Variants in PCNX4 observed in about 807,000 individuals in gnomAD.
PCNX4 encodes the protein pecanex-like protein 4.
Under a neutral mutation model 107.2 loss-of-function variants are expected in PCNX4, and 103 were observed. That is an observed-to-expected ratio of 0.96 (90% confidence interval 0.82 to 1.13). The LOEUF (loss-of-function observed/expected upper bound fraction) is 1.13, where lower values mean the gene tolerates loss of function less well. Ranked by LOEUF, PCNX4 falls within the 50% of genes most tolerant of loss-of-function variation. The pLI is 0.00. For missense variants in PCNX4, 1,528 were observed against 1,379.4 expected (o/e 1.11, Z -1.71); for synonymous variants, 541 against 481.7 (o/e 1.12, Z -1.61).
chr14:60,094,895 A>G (rs1895393509), intron 1 of PCNX4, among the ~76,000 whole-genome samples: 1 of 151,904 alleles, frequency 6.6e-6, no homozygotes, highest in South Asian at 2.1e-4. Context: ...ACTTAATATC[A>G]CTGGTTCTCA....
rs1413700607 is a variant in PCNX4 at position 60,117,216 on chromosome 14, C to CA, written c.1579-1112dup. Among the ~76,000 whole-genome samples the CA allele has an allele frequency of 9.8e-5, 15 of 152,290 alleles. 1 individual carries two copies. The East Asian group carries it at 1.5e-3, about 16-fold the overall frequency. ...ACTTCACATTCATTCACCACTCACT[C>CA]ACTCACTTAGAGCAACTTCTAGTGC... On this transcript the variant is annotated intron_variant, in intron 6 of 10. Coordinates refer to ENST00000406854, the MANE Select transcript of PCNX4 (RefSeq NM_001330177.2).
chr14:60,107,726 T>C lies in PCNX4; in HGVS notation c.88T>C (p.Phe30Leu), dbSNP rs1895655250. 3 of 1,612,672 alleles carry C rather than the reference T, an allele frequency of 1.9e-6. No homozygotes were observed. The highest frequency in any genetic ancestry group is 2.5e-6 in the Non-Finnish European group (3 of 1,179,816). Reference protein sequence around the residue: ...FPQTVLGGPRFKLGYCAPPYI... With the variant: ...FPQTVLGGPRLKLGYCAPPYI... ...ACAGACTGTTCTTGGAGGCCCTCGA[T>C]TCAAATTAGGCTATTGTGCCCCTCC... The change falls in exon 2 of 11, where the codon TTC becomes CTC. Residue 30 changes from phenylalanine (F) to leucine (L), a missense_variant. By Grantham distance (22) the Phe-to-Leu change is conservative. Coordinates refer to ENST00000406854, the MANE Select transcript of PCNX4 (RefSeq NM_001330177.2).
At position 60,134,143 on chromosome 14, in the gene PCNX4, T is replaced by A; in HGVS notation, c.3441T>A (p.Asn1147Lys). 2 of 1,613,712 alleles carry A rather than the reference T, an allele frequency of 1.2e-6. No homozygotes were observed. Among genetic ancestry groups the A allele is most frequent in the East Asian group, 4.5e-5 (2 of 44,874 alleles). The change falls in exon 11 of 11, where the codon AAT (asparagine) becomes AAA (lysine). Residue 1147 changes from asparagine to lysine, a missense_variant. Asn to Lys is a moderately conservative substitution (Grantham distance 94, BLOSUM62 0). Coordinates refer to ENST00000406854, the MANE Select transcript of PCNX4 (RefSeq NM_001330177.2). Reference sequence around the variant, plus strand: ...AAGCTCATCCACTACTTTTAAGAAATCTTACGGTACAAGCAGCAGAACCTC... The same window carrying A: ...AAGCTCATCCACTACTTTTAAGAAAACTTACGGTACAAGCAGCAGAACCTC... ...SIQAHPLLLRNLTVQAAEPPL... is the reference protein window; with the variant it reads ...SIQAHPLLLRKLTVQAAEPPL...
intron 10 of PCNX4, among the ~76,000 whole-genome samples, chr14:60,126,529 C>G (rs1043621651): frequency 6.6e-6 from 1 of 152,216 alleles, no homozygotes; most frequent in Non-Finnish European, 1.5e-5. Flanking sequence ...TGCTAAAACC[C>G]AGTGAGAATA....
At chr14:60,133,489 T>A (rs554116327) in intron 10 of PCNX4, among the ~76,000 whole-genome samples, 4 of 152,306 alleles carry the variant, frequency 2.6e-5, no homozygotes, top group African/African-American at 7.2e-5. Flanking sequence ...CTTGAGGTTA[T>A]GATGTTTTAA....
chr14:60,100,463 T>G (rs1389503306), intron 1 of PCNX4, among the ~76,000 whole-genome samples: 1 of 152,116 alleles, frequency 6.6e-6, no homozygotes, highest in Non-Finnish European at 1.5e-5. Context: ...CATGCTTGGC[T>G]AACTTTTGTA....
rs1051218848 is a variant in PCNX4 at position 60,139,192 on chromosome 14, GAA to G, written c.*4974_*4975del. On this transcript the variant is annotated 3_prime_UTR_variant, in exon 11 of 11. Coordinates refer to ENST00000406854, the MANE Select transcript of PCNX4 (RefSeq NM_001330177.2). The stretch of plus-strand genomic sequence containing the variant: ...CAAAGATCATCAAAGTGAAAAGAAA[GAA>G]AACCCACAAAGTACCTTTATGCAAG... 3 of 151,294 alleles carry G rather than the reference GAA, an allele frequency of 2.0e-5. No individual in the cohort carries two copies. The highest frequency in any genetic ancestry group is 7.3e-5 in the African/African-American group (3 of 40,872). 9.4% of individuals were successfully genotyped at this position (151,294 alleles called of 1,614,324 possible).
chr14:60,102,124 A>G (rs1456102484), intron 1 of PCNX4, among the ~76,000 whole-genome samples: 3 of 152,204 alleles, frequency 2.0e-5, no homozygotes, highest in Non-Finnish European at 4.4e-5. Flanking sequence ...ATTATGCAGG[A>G]TGAACAAGTT....
At chr14:60,132,634 G>C (rs577832253) in intron 10 of PCNX4, among the ~76,000 whole-genome samples, 1 of 152,058 alleles carries the variant, frequency 6.6e-6, no homozygotes, top group East Asian at 1.9e-4. Flanking sequence ...AAAAACTTCT[G>C]TTCCTCAAAG....
rs1435410379 is a variant in PCNX4 at position 60,116,019 on chromosome 14, T to G, written c.1537T>G (p.Trp513Gly). 1.9e-6 allele frequency: 3 copies of G among 1,612,824 alleles called. No homozygotes were observed. Among genetic ancestry groups the G allele is most frequent in the Admixed American group, 3.3e-5 (2 of 59,842 alleles). ...ACACTTGATCTCCAGTACAGACATATGGTGGAACAGAAGCCTGGATACAGG... is the reference window on the plus strand; with the variant it reads ...ACACTTGATCTCCAGTACAGACATAGGGTGGAACAGAAGCCTGGATACAGG... ...TVHLISSTDIWWNRSLDTGLR... is the reference protein window; with the variant it reads ...TVHLISSTDIGWNRSLDTGLR... The change falls in exon 6 of 11, where the codon TGG (tryptophan) becomes GGG (glycine). Residue 513 changes from tryptophan (W) to glycine (G), a missense_variant. By Grantham distance (184) the Trp-to-Gly change is radical. Coordinates refer to ENST00000406854, the MANE Select transcript of PCNX4 (RefSeq NM_001330177.2).
intron 1 of PCNX4, among the ~76,000 whole-genome samples, chr14:60,098,811 G>A (rs1255859418): frequency 4.6e-5 from 7 of 151,930 alleles, no homozygotes; most frequent in African/African-American, 2.4e-5. Flanking sequence ...GGTGGTGCAT[G>A]CCTGTAATCC....
chr14:60,113,841 A>G (rs977921030), intron 2 of PCNX4, among the ~76,000 whole-genome samples: 2 of 152,302 alleles, frequency 1.3e-5, no homozygotes, highest in African/African-American at 4.8e-5. Flanking sequence ...TATTTTTAAA[A>G]ATTTAGTAAT....
At chr14:60,111,555 AC>A (rs1422124898) in intron 2 of PCNX4, among the ~76,000 whole-genome samples, 1 of 152,210 alleles carries the variant, frequency 6.6e-6, no homozygotes, top group Admixed American at 6.5e-5. Flanking sequence ...TTTTCAGAAT[AC>A]AAATTCTTGA....
At position 60,144,938 on chromosome 14, in the gene PCNX4, A is replaced by G; in HGVS notation, c.*10717A>G. The G allele has an allele frequency of 1.9e-6, 3 of 1,576,100 alleles. No homozygotes were observed. The highest frequency in any genetic ancestry group is 1.4e-5 in the African/African-American group (1 of 73,204). On this transcript the variant is annotated 3_prime_UTR_variant, in exon 11 of 11. Transcript: ENST00000406854. The stretch of plus-strand genomic sequence containing the variant: ...TTTCATGTTTTCCATTTCTCCCTCC[A>G]GTGGCTTGAAAAGTACAGGTGCTCT...
chr14:60,118,296 G>T, intron 6 of PCNX4, 33 bp from the exon 7 acceptor site: 1 of 1,513,168 alleles, frequency 6.6e-7, no homozygotes, highest in Non-Finnish European at 8.8e-7. Flanking sequence ...AATCTTCTAA[G>T]GATAAATAAA....
chr14:60,123,791 A>T (rs908099198), intron 8 of PCNX4, among the ~76,000 whole-genome samples: 1 of 152,174 alleles, frequency 6.6e-6, no homozygotes, highest in Non-Finnish European at 1.5e-5. Context: ...CATACACTGA[A>T]TAATGCTATT....
intron 1 of PCNX4, among the ~76,000 whole-genome samples, chr14:60,106,701 T>C (rs545674329): frequency 1.1e-3 from 174 of 152,354 alleles, no homozygotes; most frequent in Non-Finnish European, 2.0e-3. Context: ...CTCTCCAGAA[T>C]TGATATTGGT....
rs190905995 is a variant in PCNX4 at position 60,139,238 on chromosome 14, A to T, written c.*5017A>T. On this transcript the variant is annotated 3_prime_UTR_variant, in exon 11 of 11. Coordinates refer to ENST00000406854, the MANE Select transcript of PCNX4 (RefSeq NM_001330177.2). ...ATGCAAGAGATGTCTTAAGTATAGG[A>T]ATACAAAGGTTTGAAGTAAACAAGA... The T allele has an allele frequency of 4.7e-4, 71 of 152,242 alleles. No homozygotes were observed. Among genetic ancestry groups the T allele is most frequent in the African/African-American group, 1.6e-3 (65 of 41,576 alleles). The allele number at this position is 152,242 out of a possible 1,614,324, so 9.4% of individuals were successfully genotyped here.
At chr14:60,097,657 A>G (rs776963580) in intron 1 of PCNX4, among the ~76,000 whole-genome samples, 2 of 152,230 alleles carry the variant, frequency 1.3e-5, no homozygotes, top group Non-Finnish European at 2.9e-5. Context: ...TTAAAGGTCT[A>G]AAAAGCTAAG....
Sources: allele counts gnomAD v4.1 joint callset (sites outside exome capture counted in the v4.1 genomes callset), GRCh38; gene constraint gnomAD v4.1.1; transcripts MANE v1.5; gene names NCBI Gene and HGNC (gene_info 2026-07-23, HGNC 2026-07-21).